Variants in CHODL observed in about 807,000 individuals in gnomAD.
CHODL encodes transmembrane protein MT75.
In CHODL, 29 loss-of-function variants were observed where a neutral mutation model predicts 34.5. The ratio of observed to expected loss-of-function variants is 0.84; its 90% CI spans 0.63 to 1.15. CHODL has a LOEUF of 1.15. Ranked by LOEUF, CHODL falls within the 50% of genes most tolerant of loss-of-function variation. The probability of loss-of-function intolerance (pLI) is 0.00; values close to 1 mark genes in which losing one functional copy is unlikely to be tolerated. For missense variants in CHODL, 332 were observed against 332.5 expected (o/e 1.00, Z 0.01); for synonymous variants, 125 against 116.1 (o/e 1.08, Z -0.49).
chr21:18,040,077 C>A (rs920926652), intron 2 of CHODL, among the ~76,000 whole-genome samples: 3 of 151,820 alleles, frequency 2.0e-5, no homozygotes, highest in Non-Finnish European at 4.4e-5. Context: ...TGTTATTTAA[C>A]TATTCAAACC....
At chr21:17,967,455 G>C (rs13048366) in intron 1 of CHODL, among the ~76,000 whole-genome samples, 26,281 of 152,086 alleles carry the variant, frequency 0.17, 2,546 homozygotes, top group Middle Eastern at 0.31. Context: ...TCTAGCTTCA[G>C]AGTGTTTTTA....
chr21:18,141,667 G>A (rs2072804400), intron 2 of CHODL, among the ~76,000 whole-genome samples: 1 of 151,620 alleles, frequency 6.6e-6, no homozygotes, highest in South Asian at 2.1e-4. Context: ...TTTGTGTGGT[G>A]GCTTCGCAGG....
chr21:18,093,852 A>G (rs2065104823), intron 2 of CHODL, among the ~76,000 whole-genome samples: 1 of 152,152 alleles, frequency 6.6e-6, no homozygotes, highest in Non-Finnish European at 1.5e-5. Context: ...CTGAAAACAC[A>G]TAACAAATGG....
At chr21:17,956,715 A>G (rs999440560) in intron 1 of CHODL, among the ~76,000 whole-genome samples, 3 of 136,504 alleles carry the variant, frequency 2.2e-5, no homozygotes, top group Non-Finnish European at 5.0e-5. Flanking sequence ...AGAAGGGGCC[A>G]GAAAATTATC....
chr21:17,974,329 A>G (rs2063643818), intron 1 of CHODL, among the ~76,000 whole-genome samples: 1 of 151,930 alleles, frequency 6.6e-6, no homozygotes. Flanking sequence ...CTGGAGTGCA[A>G]TGGTGCGGTC....
chr21:18,123,067 A>T (rs993319006), intron 2 of CHODL, among the ~76,000 whole-genome samples: 1 of 152,238 alleles, frequency 6.6e-6, no homozygotes, highest in African/African-American at 2.4e-5. Context: ...TACAGTAAGT[A>T]GCCGAAACTC....
intron 2 of CHODL, among the ~76,000 whole-genome samples, chr21:18,057,626 C>T (rs1229652138): frequency 1.3e-5 from 2 of 151,854 alleles, no homozygotes; most frequent in African/African-American, 4.8e-5. Context: ...GGTTTTGCTG[C>T]CCTAAAAAAC....
chr21:18,083,597 C>T (rs2064968101), intron 2 of CHODL, among the ~76,000 whole-genome samples: 1 of 152,194 alleles, frequency 6.6e-6, no homozygotes, highest in Non-Finnish European at 1.5e-5. Flanking sequence ...GCAGAGCTTC[C>T]CAAGACCATG....
intron 1 of CHODL, among the ~76,000 whole-genome samples, chr21:17,986,477 C>T (rs2063754630): frequency 6.6e-6 from 1 of 152,158 alleles, no homozygotes; most frequent in Non-Finnish European, 1.5e-5. Context: ...ATCCATGTCC[C>T]TGCAGAGGAC....
At chr21:17,948,571 A>G (rs1480373158) in intron 1 of CHODL, among the ~76,000 whole-genome samples, 1 of 152,108 alleles carries the variant, frequency 6.6e-6, no homozygotes, top group African/African-American at 2.4e-5. Context: ...CAGGTAAAAA[A>G]GAAGACATTA....
At chr21:18,151,954 C>T (rs1264719290) in intron 2 of CHODL, among the ~76,000 whole-genome samples, 1 of 151,240 alleles carries the variant, frequency 6.6e-6, no homozygotes, top group African/African-American at 2.4e-5. Context: ...TGAGGGGATA[C>T]ATTCAGTCCA....
In CHODL at chr21:18,253,674, T is replaced by C. The variant is rs1050304795; in HGVS notation, c.80-2835T>C. On this transcript the variant is annotated intron_variant, in intron 1 of 5. Coordinates refer to ENST00000299295, the MANE Select transcript of CHODL (RefSeq NM_024944.3). ...ATACATTAATTTTCAGAGTCAACCA[T>C]TGGGGCTTTCTGTTAATTTGGGACT... is the stretch of plus-strand genomic sequence containing the variant. 4.6e-5 allele frequency among the ~76,000 whole-genome samples: 7 copies of C among 152,270 alleles called. No homozygotes were observed. In the East Asian group the frequency reaches 1.2e-3, roughly 25 times the overall value.
intron 2 of CHODL, among the ~76,000 whole-genome samples, chr21:18,186,474 C>T (rs187279101): frequency 1.3e-4 from 20 of 151,876 alleles, no homozygotes; most frequent in Admixed American, 9.2e-4. Context: ...AAATATAAAT[C>T]ATCTGCTTAT....
chr21:18,064,202 GCCATTTCAATTGTGTCATAC>G (rs543892587), intron 2 of CHODL, among the ~76,000 whole-genome samples: 5,209 of 152,050 alleles, frequency 0.034, 118 homozygotes, highest in Middle Eastern at 0.088. Flanking sequence ...CCATGTCATA[GCCATTTCAATTGTGTCATAC>G]CCATTTCAAT....
chr21:18,080,919 C>T (rs1369752653), intron 2 of CHODL, among the ~76,000 whole-genome samples: 1 of 152,112 alleles, frequency 6.6e-6, no homozygotes, highest in East Asian at 1.9e-4. Context: ...CTATGAATTG[C>T]TTTGGGCAGT....
rs193056274 is a variant in CHODL at position 18,245,188 on chromosome 21, G to C, written c.-36G>C. The C allele has an allele frequency of 6.6e-6, 9 of 1,362,330 alleles. No individual in the cohort carries two copies. The Admixed American group carries it at 2.0e-4, about 30-fold the overall frequency. The allele number at this position is 1,362,330 out of a possible 1,614,324, so 84.4% of individuals were successfully genotyped here. A position where few individuals can be genotyped will look rare whatever the true frequency, so the allele number is the denominator to read the frequency against. On this transcript the variant is annotated 5_prime_UTR_variant, in exon 1 of 6. Coordinates refer to ENST00000299295, the MANE Select transcript of CHODL (RefSeq NM_024944.3). ...TGCGCCCTGGGCAGAGGCCGCCCTC[G>C]CTCCACGCAACACCTGCTGCTGCCA... is the stretch of plus-strand genomic sequence containing the variant.
intron 1 of CHODL, among the ~76,000 whole-genome samples, chr21:17,951,566 C>T (rs2063457889): frequency 1.3e-5 from 2 of 152,150 alleles, no homozygotes; most frequent in South Asian, 4.1e-4. Context: ...TTAGATTTAG[C>T]AGGCAGACTT....
At chr21:18,252,694 A>G (rs1284618652) in intron 1 of CHODL, among the ~76,000 whole-genome samples, 1 of 152,170 alleles carries the variant, frequency 6.6e-6, no homozygotes, top group Non-Finnish European at 1.5e-5. Context: ...ATATATTTAT[A>G]ATTTCCTGAA....
At chr21:17,969,472 A>G (rs1404382440) in intron 1 of CHODL, among the ~76,000 whole-genome samples, 1 of 152,250 alleles carries the variant, frequency 6.6e-6, no homozygotes, top group Non-Finnish European at 1.5e-5. Context: ...ATTTGTAAGC[A>G]GGTAACAGAA....
Sources: allele counts gnomAD v4.1 joint callset (sites outside exome capture counted in the v4.1 genomes callset), GRCh38; gene constraint gnomAD v4.1.1; transcripts MANE v1.5; gene names NCBI Gene and HGNC (gene_info 2026-07-23, HGNC 2026-07-21).